SUPV3L1: variants seen among roughly 807,000 people sequenced by gnomAD.
SUPV3L1 encodes the protein Suv3 like RNA helicase, also known as ATP-dependent RNA helicase SUPV3L1, mitochondrial.
Under a neutral mutation model 70.0 loss-of-function variants are expected in SUPV3L1, and 35 were observed. The observed-to-expected ratio is 0.50, with a 90% CI of 0.38 to 0.66. The LOEUF is 0.66. Ranked by LOEUF, SUPV3L1 falls within the 30% of genes least tolerant of loss-of-function variation. The probability of loss-of-function intolerance (pLI) is 0.00; values close to 1 mark genes in which losing one functional copy is unlikely to be tolerated. For missense variants in SUPV3L1, 777 were observed against 961.5 expected (o/e 0.81, Z 2.54); for synonymous variants, 364 against 341.9 (o/e 1.06, Z -0.71).
At chr10:69,203,483 G>A (rs1842737999) in intron 13 of SUPV3L1, among the ~76,000 whole-genome samples, 1 of 151,898 alleles carries the variant, frequency 6.6e-6, no homozygotes, top group South Asian at 2.1e-4. Context: ...GGCCAAGCTG[G>A]TGAAACCCTG....
At chr10:69,194,647 C>T (rs895867368) in intron 6 of SUPV3L1, among the ~76,000 whole-genome samples, 15 of 151,516 alleles carry the variant, frequency 9.9e-5, no homozygotes, top group African/African-American at 2.9e-4. Context: ...CATGGTGCTG[C>T]GTGCCTGTAG....
chr10:69,202,367 A>G (rs555577046), intron 11 of SUPV3L1, 72 bp from the exon 12 acceptor site: 9 of 1,400,164 alleles, frequency 6.4e-6, no homozygotes, highest in South Asian at 6.1e-5. Flanking sequence ...TTATCGTGCA[A>G]TAACTTAAGA....
intron 13 of SUPV3L1, among the ~76,000 whole-genome samples, chr10:69,203,531 G>A (rs1452656168): frequency 1.3e-5 from 2 of 151,658 alleles, no homozygotes; most frequent in Non-Finnish European, 2.9e-5. Flanking sequence ...GGGCATGGTG[G>A]TGGGCACCTG....
chr10:69,207,562 C>T lies in SUPV3L1; in HGVS notation c.1777-231C>T, dbSNP rs537373210. Among the ~76,000 whole-genome samples, 56 of 152,214 alleles carry T rather than the reference C, an allele frequency of 3.7e-4. 1 individual carries two copies. The highest frequency in any genetic ancestry group is 5.3e-4 in the Non-Finnish European group (36 of 68,002). ...AACTCCTGGGCTCAAGTGATCTACCCGCTTCAGACTCCCAGAGTGCTGGGA... is the reference window on the plus strand; with the variant it reads ...AACTCCTGGGCTCAAGTGATCTACCTGCTTCAGACTCCCAGAGTGCTGGGA... On this transcript the variant is annotated intron_variant, in intron 13 of 14. Transcript: ENST00000359655.
intron 6 of SUPV3L1, among the ~76,000 whole-genome samples, chr10:69,194,895 C>T (rs564182642): frequency 2.2e-4 from 33 of 149,380 alleles, no homozygotes; most frequent in African/African-American, 7.5e-4. Context: ...GTTTGAATTT[C>T]ATCTCTGCAT....
intron 2 of SUPV3L1, 66 bp from the exon 3 acceptor site, chr10:69,186,377 G>C (rs981532129): frequency 1.7e-5 from 19 of 1,105,472 alleles, no homozygotes; most frequent in Non-Finnish European, 2.5e-5. Context: ...AGTTTGGTGT[G>C]GTGTGTCTGT....
intron 6 of SUPV3L1, chr10:69,192,424 AC>A (rs1842423853): frequency 6.6e-6 from 1 of 152,190 alleles, no homozygotes; most frequent in Non-Finnish European, 1.5e-5. Flanking sequence ...TATCACTGAT[AC>A]GTATTACCAG....
chr10:69,199,769 C>T lies in SUPV3L1; in HGVS notation c.1299-511C>T, dbSNP rs149852958. Among the ~76,000 whole-genome samples the T allele has an allele frequency of 7.1e-3, 1,075 of 152,188 alleles. 11 individuals are homozygous for T. The highest frequency in any genetic ancestry group is 0.025 in the African/African-American group (1,017 of 41,506). ...ACTTTCAGTTTCTCAGTCAGGTGTC[C>T]GAGTGCCTATTATGCACATGGGGCT... is the stretch of plus-strand genomic sequence containing the variant. On this transcript the variant is annotated intron_variant, in intron 10 of 14. Transcript: ENST00000359655.
At chr10:69,193,906 A>G (rs1042153916) in intron 6 of SUPV3L1, among the ~76,000 whole-genome samples, 5 of 152,150 alleles carry the variant, frequency 3.3e-5, no homozygotes, top group Non-Finnish European at 7.3e-5. Context: ...ATGAGATGAG[A>G]CACTACTTTT....
At chr10:69,188,742 T>C (rs1842306089) in intron 4 of SUPV3L1, among the ~76,000 whole-genome samples, 1 of 152,110 alleles carries the variant, frequency 6.6e-6, no homozygotes, top group African/African-American at 2.4e-5. Context: ...CAAGTGATCC[T>C]CCTGCCTTGA....
chr10:69,183,460 C>T (rs1659031473), intron 1 of SUPV3L1, among the ~76,000 whole-genome samples: 1 of 152,218 alleles, frequency 6.6e-6, no homozygotes, highest in Admixed American at 6.5e-5. Context: ...GGGTGGATCG[C>T]TTGAGCCCAG....
At position 69,186,437 on chromosome 10, in the gene SUPV3L1, C is replaced by A; in HGVS notation, c.350-6C>A. 1 of 1,602,546 alleles carries A rather than the reference C, an allele frequency of 6.2e-7. No homozygotes were observed. The highest frequency in any genetic ancestry group is 8.5e-7 in the Non-Finnish European group (1 of 1,172,192). On this transcript the variant is annotated splice_polypyrimidine_tract_variant and splice_region_variant and intron_variant, in intron 2 of 14. Transcript: ENST00000359655. Reference sequence around the variant, plus strand: ...CCTTACATCTTTTCATTTTGTGTTTCTACAGCTCGTCTCTTCCACCAAGCT... The same window carrying A: ...CCTTACATCTTTTCATTTTGTGTTTATACAGCTCGTCTCTTCCACCAAGCT...
rs764648638 is a variant in SUPV3L1, at chr10:69,180,352, C to A, written c.61C>A (p.Arg21=). The change falls in exon 1 of 15, where the codon CGG becomes AGG. Residue 21 remains arginine (R), a synonymous_variant. Transcript: ENST00000359655. ...CCCGGCGGGGCGCCAGGCTGGCCAC[C>A]GGGCAGCCATCTGCTCTGCCCTTCG... ...RLPAGRQAGH[R]AAICSALRPH... 3 of 1,614,168 alleles carry A rather than the reference C, an allele frequency of 1.9e-6. No homozygotes were observed. Among genetic ancestry groups the A allele is most frequent in the Non-Finnish European group, 1.7e-6 (2 of 1,180,022 alleles).
rs1842572909 is a variant in SUPV3L1, at chr10:69,197,552, T to C, written c.1023+469T>C. Among the ~76,000 whole-genome samples the C allele has an allele frequency of 3.3e-5, 5 of 152,256 alleles. No homozygotes were observed. In the South Asian group the frequency reaches 1.0e-3, roughly 32 times the overall value. On this transcript the variant is annotated intron_variant, in intron 8 of 14. Transcript: ENST00000359655. The stretch of plus-strand genomic sequence containing the variant: ...TCTCTTTTTCTTTACCAGAGTTCTA[T>C]AGTAAAATGAATTATTATTATTATT...
At chr10:69,200,559 C>CCTCCATCCAGACTCT in intron 11 of SUPV3L1, 60 bp downstream of exon 11, 1 of 1,407,330 alleles carries the variant, frequency 7.1e-7, no homozygotes, top group Non-Finnish European at 9.9e-7. Flanking sequence ...TTTCCCTCAC[C>CCTCCATCCAGACTCT]CACCATCCAG....
At position 69,187,689 on chromosome 10, in the gene SUPV3L1, A is replaced by G. The variant is rs752162947; in HGVS notation, c.505A>G (p.Ile169Val). ...ATTTTTCTTGAGACATGCCAAACAAATATTTCCTGTGTTGGACTGTAAGGA... is the reference window on the plus strand; with the variant it reads ...ATTTTTCTTGAGACATGCCAAACAAGTATTTCCTGTGTTGGACTGTAAGGA... ...FPFFLRHAKQ[I>V]FPVLDCKDDL... Residue 169 changes from isoleucine (I) to valine (V), a missense_variant, in exon 4 of 15, where the codon ATA (isoleucine) becomes GTA (valine). Physicochemically the swap from Ile to Val is conservative, Grantham distance 29 (BLOSUM62 3). Transcript: ENST00000359655. The G allele has an allele frequency of 2.4e-5, 38 of 1,613,248 alleles. No homozygotes were observed. The highest frequency in any genetic ancestry group is 3.1e-5 in the Non-Finnish European group (36 of 1,179,846).
chr10:69,193,048 A>G (rs986892806), intron 6 of SUPV3L1: 4 of 152,182 alleles, frequency 2.6e-5, no homozygotes, highest in Admixed American at 6.6e-5. Flanking sequence ...TTTCCTTATT[A>G]TGTAAGCAAT....
intron 9 of SUPV3L1, 57 bp from the exon 10 acceptor site, chr10:69,199,047 G>A (rs1162969615): frequency 3.7e-6 from 5 of 1,358,838 alleles, no homozygotes; most frequent in Admixed American, 3.9e-5. Context: ...GATGTACTTA[G>A]CTTGATGTAA....
At chr10:69,203,963 G>A (rs1198429910) in intron 13 of SUPV3L1, among the ~76,000 whole-genome samples, 1 of 151,952 alleles carries the variant, frequency 6.6e-6, no homozygotes, top group Non-Finnish European at 1.5e-5. Context: ...GGAGGCAAGT[G>A]ATCATCCCAC....
Sources: allele counts gnomAD v4.1 joint callset (sites outside exome capture counted in the v4.1 genomes callset), GRCh38; gene constraint gnomAD v4.1.1; transcripts MANE v1.5; gene names NCBI Gene and HGNC (gene_info 2026-07-23, HGNC 2026-07-21).